Variants in GPHN observed in about 807,000 individuals in gnomAD.
GPHN encodes gephyrin.
In GPHN, 17 loss-of-function variants were observed where a neutral mutation model predicts 95.5. That is an observed-to-expected ratio of 0.18 (90% CI 0.12 to 0.27). GPHN has a LOEUF of 0.27. GPHN is among the 10% of genes least tolerant of loss of function. GPHN has a pLI of 1.00. For missense variants in GPHN, 660 were observed against 978.1 expected, an observed-to-expected ratio of 0.67 and a Z score of 4.34; for synonymous variants, 320 against 322.5, an observed-to-expected ratio of 0.99 and a Z score of 0.08.
chr14:67,318,976 TGAACCCGG>T, the GPHN span, among the ~76,000 whole-genome samples: 6 of 151,572 alleles, frequency 4.0e-5, no homozygotes, highest in African/African-American at 1.5e-4. Flanking sequence ...GAGAATGGCG[TGAACCCGG>T]GAGGCGGAGC....
chr14:67,651,171 T>C, the GPHN span: 5 of 1,012,812 alleles, frequency 4.9e-6, no homozygotes, highest in African/African-American at 3.3e-5. Context: ...ATAAACAGCA[T>C]TTATTACCTT....
At chr14:67,711,033 G>T in the GPHN span, among the ~76,000 whole-genome samples, 1 of 152,130 alleles carries the variant, frequency 6.6e-6, no homozygotes, top group East Asian at 1.9e-4. Flanking sequence ...AACTGTCCTT[G>T]TTCATTCCTG....
intron 11 of GPHN, among the ~76,000 whole-genome samples, chr14:67,079,414 C>T (rs1283934635): frequency 6.6e-6 from 1 of 152,066 alleles, no homozygotes; most frequent in African/African-American, 2.4e-5. Flanking sequence ...AATCATCCTC[C>T]TATCCCCTCA....
the GPHN span, among the ~76,000 whole-genome samples, chr14:67,700,995 G>C: frequency 7.6e-6 from 1 of 131,022 alleles, no homozygotes; most frequent in East Asian, 2.3e-4. Flanking sequence ...CTGCACTCCA[G>C]CCTGGGTGAC....
chr14:67,395,699 A>T, the GPHN span: 1 of 738,378 alleles, frequency 1.4e-6, no homozygotes, highest in Admixed American at 2.5e-5. Context: ...AAATGCCCTG[A>T]GCCCTCGGCC....
At chr14:67,049,800 C>T (rs994292970) in intron 10 of GPHN, among the ~76,000 whole-genome samples, 1 of 152,158 alleles carries the variant, frequency 6.6e-6, no homozygotes. Flanking sequence ...CGTGAGCCAC[C>T]GCGCCCGGCT....
At chr14:67,169,218 C>T in intron 21 of GPHN, 182 bp downstream of exon 21, 1 of 621,498 alleles carries the variant, frequency 1.6e-6, no homozygotes, top group Non-Finnish European at 2.9e-6. Context: ...TCTCCTACTT[C>T]ATGACTTCTA....
At chr14:67,514,114 G>C in the GPHN span, among the ~76,000 whole-genome samples, 1 of 152,264 alleles carries the variant, frequency 6.6e-6, no homozygotes, top group Admixed American at 6.5e-5. Flanking sequence ...AGCCCCCAAG[G>C]TTACACCAGC....
intron 4 of GPHN, among the ~76,000 whole-genome samples, chr14:66,852,282 A>G (rs1362562507): frequency 6.6e-6 from 1 of 152,190 alleles, no homozygotes; most frequent in African/African-American, 2.4e-5. Flanking sequence ...TTTCATTTCA[A>G]TTTTTAAAGT....
At chr14:67,402,453 T>C in the GPHN span, among the ~76,000 whole-genome samples, 2 of 152,126 alleles carry the variant, frequency 1.3e-5, no homozygotes, top group African/African-American at 4.8e-5. Flanking sequence ...TGGTTATTTT[T>C]AAACGTACAA....
At chr14:67,607,994 T>C in the GPHN span, among the ~76,000 whole-genome samples, 6 of 152,042 alleles carry the variant, frequency 3.9e-5, no homozygotes, top group African/African-American at 1.4e-4. Flanking sequence ...CTCAGCACTT[T>C]GGGAGGCTGA....
rs2068288280 is a variant in GPHN at position 66,698,690 on chromosome 14, A to C, written c.143+17505A>C. ...CAACAGCAGAGTTGAGTAGTTTCATATGTCACTCAAAGCCAGAAATACAGT... is the reference window on the plus strand; with the variant it reads ...CAACAGCAGAGTTGAGTAGTTTCATCTGTCACTCAAAGCCAGAAATACAGT... On this transcript the variant is annotated intron_variant, in intron 2 of 22. Coordinates refer to ENST00000478722, the MANE Select transcript of GPHN (RefSeq NM_020806.5). Among the ~76,000 whole-genome samples, 4 of 152,296 alleles carry C rather than the reference A, an allele frequency of 2.6e-5. No homozygotes were observed. The South Asian group carries it at 8.3e-4, about 32-fold the overall frequency.
chr14:67,430,376 C>T, the GPHN span, among the ~76,000 whole-genome samples: 1 of 152,198 alleles, frequency 6.6e-6, no homozygotes, highest in Non-Finnish European at 1.5e-5. Flanking sequence ...GACAAGGTGG[C>T]TCTTGTTCCT....
intron 1 of GPHN, 22 bp downstream of exon 1, chr14:66,508,613 G>T: frequency 1.9e-6 from 3 of 1,592,704 alleles, no homozygotes; most frequent in Non-Finnish European, 2.6e-6. Context: ...AGGAGGTCTG[G>T]GACCTATGAG....
intron 2 of GPHN, among the ~76,000 whole-genome samples, chr14:66,764,463 G>A (rs566796528): frequency 3.8e-4 from 58 of 151,812 alleles, no homozygotes; most frequent in Non-Finnish European, 7.5e-4. Flanking sequence ...ATCATTTTAC[G>A]GATCAGGAAA....
the GPHN span, among the ~76,000 whole-genome samples, chr14:67,678,920 C>T: frequency 6.6e-6 from 1 of 151,812 alleles, no homozygotes; most frequent in East Asian, 1.9e-4. Context: ...AAGCCAGCTT[C>T]GAAAACAACA....
chr14:66,844,213 C>T (rs1168247533), intron 4 of GPHN, among the ~76,000 whole-genome samples: 1 of 152,118 alleles, frequency 6.6e-6, no homozygotes, highest in East Asian at 1.9e-4. Context: ...ATGTATTTAT[C>T]TTCCTTCCTT....
the GPHN span, among the ~76,000 whole-genome samples, chr14:67,594,990 A>G: frequency 6.6e-6 from 1 of 152,008 alleles, no homozygotes; most frequent in Non-Finnish European, 1.5e-5. Context: ...ACTAAAAGTT[A>G]GCCGGGCGTA....
chr14:67,404,911 C>T, the GPHN span, among the ~76,000 whole-genome samples: 1 of 151,790 alleles, frequency 6.6e-6, no homozygotes, highest in East Asian at 1.9e-4. Flanking sequence ...ACAATGGTCA[C>T]CTCTAAGGAG....
Sources: allele counts gnomAD v4.1 joint callset (sites outside exome capture counted in the v4.1 genomes callset), GRCh38; gene constraint gnomAD v4.1.1; transcripts MANE v1.5; gene names NCBI Gene and HGNC (gene_info 2026-07-23, HGNC 2026-07-21).